The following CALN1 variants were observed in gnomAD, a reference collection of about 807,000 sequenced individuals.
CALN1 encodes the protein calneuron 1.
In CALN1, 17 loss-of-function variants were observed where a neutral mutation model predicts 30.6. That is an observed-to-expected ratio of 0.56 (90% CI 0.38 to 0.83). The LOEUF (loss-of-function observed/expected upper bound fraction) is 0.83. Among genes scored for constraint, CALN1 ranks in the 40% least tolerant of loss-of-function variants. The probability of loss-of-function intolerance (pLI) is 0.00; values close to 1 mark genes in which losing one functional copy is unlikely to be tolerated. For missense variants in CALN1, 291 were observed against 354.9 expected, an observed-to-expected ratio of 0.82 and a Z score of 1.45; for synonymous variants, 156 against 131.4, an observed-to-expected ratio of 1.19 and a Z score of -1.28.
intron 3 of CALN1, among the ~76,000 whole-genome samples, chr7:72,167,298 G>T (rs1214010294): frequency 2.0e-5 from 3 of 152,168 alleles, no homozygotes; most frequent in Non-Finnish European, 2.9e-5. Flanking sequence ...AACAATAGTA[G>T]ATTGAGAATC....
At chr7:72,055,147 G>A (rs1158846278) in intron 4 of CALN1, among the ~76,000 whole-genome samples, 1 of 152,020 alleles carries the variant, frequency 6.6e-6, no homozygotes, top group East Asian at 1.9e-4. Context: ...CACTAACGAG[G>A]TAGATATTAT....
chr7:72,400,394 A>G (rs1251530675), intron 2 of CALN1, among the ~76,000 whole-genome samples: 1 of 152,226 alleles, frequency 6.6e-6, no homozygotes, highest in Non-Finnish European at 1.5e-5. Flanking sequence ...ATATGGACAG[A>G]GAAACCCAAG....
At chr7:72,313,543 C>T (rs879845159) in intron 2 of CALN1, among the ~76,000 whole-genome samples, 2 of 152,088 alleles carry the variant, frequency 1.3e-5, no homozygotes, top group Admixed American at 1.3e-4. Context: ...TCGGTGCGTA[C>T]CACCATGCCT....
intron 6 of CALN1, among the ~76,000 whole-genome samples, chr7:71,790,612 T>C (rs1048150776): frequency 1.3e-5 from 2 of 152,212 alleles, no homozygotes; most frequent in Non-Finnish European, 1.5e-5. Context: ...GAGACATCTG[T>C]GCCCTTGAGG....
intron 5 of CALN1, among the ~76,000 whole-genome samples, chr7:71,916,556 A>G (rs1252927650): frequency 1.3e-5 from 2 of 152,162 alleles, no homozygotes; most frequent in Non-Finnish European, 2.9e-5. Context: ...ATCCTCAGCA[A>G]ACTAATGCAG....
chr7:72,088,784 G>GGAAGGAA (rs1554436708), intron 4 of CALN1, among the ~76,000 whole-genome samples: 19 of 149,108 alleles, frequency 1.3e-4, no homozygotes, highest in Admixed American at 1.1e-3. Flanking sequence ...AGAGAAGGAA[G>GGAAGGAA]GGAAGGAAGG....
At chr7:72,123,149 C>T (rs1808507750) in intron 3 of CALN1, among the ~76,000 whole-genome samples, 1 of 152,208 alleles carries the variant, frequency 6.6e-6, no homozygotes. Context: ...ATTCGCTTGA[C>T]TTCTCACTCC....
intron 2 of CALN1, among the ~76,000 whole-genome samples, chr7:72,300,864 G>A (rs1318185145): frequency 3.9e-5 from 6 of 151,990 alleles, no homozygotes; most frequent in Admixed American, 2.6e-4. Flanking sequence ...ATGGTGGCAC[G>A]TGCCTGTAAT....
intron 5 of CALN1, among the ~76,000 whole-genome samples, chr7:71,823,730 T>TAA (rs11441202): frequency 4.7e-5 from 7 of 147,894 alleles, no homozygotes; most frequent in East Asian, 4.0e-4. Context: ...AAAAGAAAAA[T>TAA]AAAAAAAATT....
chr7:72,502,167 A>G, the CALN1 span, among the ~76,000 whole-genome samples: 2 of 149,408 alleles, frequency 1.3e-5, no homozygotes, highest in Non-Finnish European at 3.0e-5. Context: ...CTGCCGTATT[A>G]GAAGAAACCT....
intron 3 of CALN1, among the ~76,000 whole-genome samples, chr7:72,248,949 A>G (rs768804366): frequency 2.0e-5 from 3 of 152,238 alleles, no homozygotes; most frequent in Non-Finnish European, 2.9e-5. Flanking sequence ...TCCAAGATAT[A>G]AGAGAAAGGC....
chr7:72,015,418 T>G (rs1450841116), intron 5 of CALN1, among the ~76,000 whole-genome samples: 1 of 150,970 alleles, frequency 6.6e-6, no homozygotes, highest in Non-Finnish European at 1.5e-5. Flanking sequence ...CCCAGGAGTT[T>G]GCATTTCTTT....
chr7:71,949,852 C>G (rs555154769), intron 5 of CALN1, among the ~76,000 whole-genome samples: 1 of 151,980 alleles, frequency 6.6e-6, no homozygotes, highest in African/African-American at 2.4e-5. Flanking sequence ...AGCTCCGCCT[C>G]CCGGGTTCAC....
intron 5 of CALN1, among the ~76,000 whole-genome samples, chr7:71,982,686 G>C (rs796192491): frequency 1.3e-5 from 2 of 152,122 alleles, no homozygotes; most frequent in Non-Finnish European, 2.9e-5. Flanking sequence ...AGTGAAATAG[G>C]AGTTAAGAAG....
intron 6 of CALN1, among the ~76,000 whole-genome samples, chr7:71,799,735 C>T (rs1023498581): frequency 6.6e-6 from 1 of 152,178 alleles, no homozygotes; most frequent in Non-Finnish European, 1.5e-5. Flanking sequence ...CTCAACCTCC[C>T]AAAGTGCTGG....
intron 2 of CALN1, among the ~76,000 whole-genome samples, chr7:72,279,309 T>C (rs989778935): frequency 9.2e-5 from 14 of 152,086 alleles, no homozygotes; most frequent in Non-Finnish European, 1.8e-4. Flanking sequence ...TCAAAACAGG[T>C]AGGAAATGCC....
intron 5 of CALN1, among the ~76,000 whole-genome samples, chr7:71,935,686 C>G (rs533538922): frequency 6.6e-6 from 1 of 152,292 alleles, no homozygotes. Flanking sequence ...CGCACCCTTG[C>G]ACTCCGCCTG....
chr7:72,363,887 A>T (rs1803716168), intron 2 of CALN1, among the ~76,000 whole-genome samples: 1 of 151,732 alleles, frequency 6.6e-6, no homozygotes, highest in Non-Finnish European at 1.5e-5. Context: ...GGCAGGCACC[A>T]CCATGCCCAG....
intron 5 of CALN1, among the ~76,000 whole-genome samples, chr7:71,933,223 G>C (rs1046768733): frequency 4.3e-4 from 66 of 152,132 alleles, no homozygotes; most frequent in African/African-American, 1.4e-3. Context: ...GATGGCGCCA[G>C]TTAAGTGGGA....
Sources: allele counts gnomAD v4.1 joint callset (sites outside exome capture counted in the v4.1 genomes callset), GRCh38; gene constraint gnomAD v4.1.1; transcripts MANE v1.5; gene names NCBI Gene and HGNC (gene_info 2026-07-23, HGNC 2026-07-21).